The following SEMA4D variants were observed in gnomAD, a reference collection of about 807,000 sequenced individuals.
SEMA4D encodes semaphorin-4D.
A neutral mutation model predicts 74.8 loss-of-function variants in SEMA4D; 22 were observed. The ratio of observed to expected loss-of-function variants is 0.29; its 90% CI spans 0.21 to 0.42. The LOEUF is 0.42. Ranked by LOEUF, SEMA4D falls within the 10% of genes least tolerant of loss-of-function variation. The pLI is 1.00. For missense variants in SEMA4D, 937 were observed against 1,118.4 expected, an observed-to-expected ratio of 0.84 and a Z score of 2.31; for synonymous variants, 445 against 463.7, an observed-to-expected ratio of 0.96 and a Z score of 0.52.
intron 2 of SEMA4D, chr9:89,450,000 C>T (rs528212329): frequency 5.2e-6 from 8 of 1,535,624 alleles, no homozygotes; most frequent in Admixed American, 5.0e-5. Context: ...GGCAGCTCAC[C>T]GTTGTGCTGA....
Position 89,381,084 on chromosome 9 carries a change from T to G in SEMA4D, c.1634A>C (p.Glu545Ala), listed in dbSNP as rs776279240. ...GCACACAGAAGCATCGCCGCTCATCTCCTGAATCAAACCCCTGCAAAACAA... is the reference window on the plus strand; with the variant it reads ...GCACACAGAAGCATCGCCGCTCATCGCCTGAATCAAACCCCTGCAAAACAA... ...TESPSRGLIQ[E>A]MSGDASVCPD... is the part of the protein sequence containing the mutation. Residue 545 changes from glutamate to alanine, a missense_variant, in exon 15 of 16, where the codon GAG becomes GCG. Physicochemically the swap from Glu to Ala is moderately radical, Grantham distance 107. Transcript: ENST00000422704. This position sits in a 1 kb window ranked among gnomAD's most constrained non-coding sequence, Gnocchi z 4.6. 1 of 1,613,980 alleles carries G rather than the reference T, an allele frequency of 6.2e-7. No individual in the cohort carries two copies. The highest frequency in any genetic ancestry group is 1.3e-5 in the African/African-American group (1 of 74,914).
chr9:89,362,532 G>T (rs1285867462), intron 18 of SEMA4D: 55 of 1,592,668 alleles, frequency 3.5e-5, no homozygotes, highest in Non-Finnish European at 4.6e-5. Flanking sequence ...AGCACTCAAG[G>T]CCTCAGCCCC....
chr9:89,430,212 T>G (rs754420940), intron 2 of SEMA4D, among the ~76,000 whole-genome samples: 6 of 151,610 alleles, frequency 4.0e-5, no homozygotes, highest in Non-Finnish European at 4.4e-5. Context: ...TAGGAGGAAG[T>G]TTTCAGCAAT....
At position 89,393,427 on chromosome 9, in the gene SEMA4D, G is replaced by C; in HGVS notation, c.508+135C>G. 3 of 692,848 alleles carry C rather than the reference G, an allele frequency of 4.3e-6. No individual in the cohort carries two copies. In the South Asian group the frequency reaches 5.4e-5, roughly 12 times the overall value. The allele number at this position is 692,848 out of a possible 1,614,324, so 42.9% of individuals were successfully genotyped here. A position where few individuals can be genotyped will look rare whatever the true frequency, so the allele number is the denominator to read the frequency against. ...TTAAAGGGTCTATGCAGTCACATGT[G>C]CCTTTTGTAAGGATAGCTCCTATTT... On this transcript the variant is annotated intron_variant, in intron 7 of 15. Transcript: ENST00000422704.
chr9:89,383,930 C>T (rs570813365), intron 13 of SEMA4D, among the ~76,000 whole-genome samples: 1 of 152,098 alleles, frequency 6.6e-6, no homozygotes, highest in Non-Finnish European at 1.5e-5. Flanking sequence ...CTCTCATGCT[C>T]CCATCTCTGT....
In SEMA4D at chr9:89,462,606, C is replaced by T. The variant is rs369177067; in HGVS notation, c.-309-6653G>A. On this transcript the variant is annotated intron_variant, in intron 1 of 15. Coordinates refer to ENST00000422704, the MANE Select transcript of SEMA4D (RefSeq NM_001371194.2). Reference sequence around the variant, plus strand: ...GTAAAAATTCCCCAATACCAGTCTACGGCAAACAACTCAAAACAACAACAA... The same window carrying T: ...GTAAAAATTCCCCAATACCAGTCTATGGCAAACAACTCAAAACAACAACAA... 1.6e-3 allele frequency among the ~76,000 whole-genome samples: 239 copies of T among 151,804 alleles called. 1 individual carries two copies. The highest frequency in any genetic ancestry group is 5.2e-3 in the African/African-American group (214 of 41,140).
chr9:89,482,460 G>A (rs1824795003), intron 1 of SEMA4D, among the ~76,000 whole-genome samples: 1 of 152,204 alleles, frequency 6.6e-6, no homozygotes, highest in South Asian at 2.1e-4. Flanking sequence ...CTCAGCCCCA[G>A]CAGCAGAAGG....
chr9:89,364,272 G>T, intron 16 of SEMA4D: 1 of 418,404 alleles, frequency 2.4e-6, no homozygotes, highest in Non-Finnish European at 4.5e-6. Flanking sequence ...CTGGGCCTTG[G>T]AACAGCATCC....
chr9:89,390,599 C>T (rs976943290), intron 9 of SEMA4D, among the ~76,000 whole-genome samples: 38 of 152,230 alleles, frequency 2.5e-4, no homozygotes, highest in African/African-American at 7.5e-4. Context: ...GAAAGGGCCA[C>T]GCAAGAACTA....
chr9:89,386,345 C>A, intron 13 of SEMA4D, 22 bp downstream of exon 13: 1 of 1,571,212 alleles, frequency 6.4e-7, no homozygotes, highest in South Asian at 1.1e-5. Context: ...AGCCCCCGGT[C>A]CAGCTGCCTG....
At position 89,381,532 on chromosome 9, in the gene SEMA4D, C is replaced by T. The variant is rs372068957; in HGVS notation, c.1447-186G>A. The T allele has an allele frequency of 7.7e-6, 4 of 518,794 alleles. No homozygotes were observed. The highest frequency in any genetic ancestry group is 9.8e-6 in the Non-Finnish European group (3 of 305,862). 32.1% of individuals were successfully genotyped at this position (518,794 alleles called of 1,614,324 possible). A position where few individuals can be genotyped will look rare whatever the true frequency, so the allele number is the denominator to read the frequency against. ...GTCTGTGACCTTCCTGCAGAATCCA[C>T]GTGCTATGTCAGGGCTCACTGGGCC... On this transcript the variant is annotated intron_variant, in intron 13 of 15. Transcript: ENST00000422704. This position sits in a 1 kb window ranked among gnomAD's most constrained non-coding sequence, Gnocchi z 4.6.
intron 2 of SEMA4D, among the ~76,000 whole-genome samples, chr9:89,431,042 T>C (rs753417419): frequency 4.6e-5 from 7 of 152,206 alleles, no homozygotes; most frequent in Non-Finnish European, 7.3e-5. Flanking sequence ...AATAATATTA[T>C]AGCATGCTAT....
exon 19 of SEMA4D, chr9:89,361,674 G>A (rs1832776360): frequency 6.6e-6 from 1 of 152,226 alleles, no homozygotes; most frequent in South Asian, 2.1e-4. Context: ...CATCAAGTTT[G>A]GTGTCCTGTT....
intron 18 of SEMA4D, among the ~76,000 whole-genome samples, chr9:89,362,998 T>A (rs1473243016): frequency 6.6e-6 from 1 of 152,064 alleles, no homozygotes; most frequent in Non-Finnish European, 1.5e-5. Flanking sequence ...AGGAAGCCAC[T>A]CCCCCTGACC....
chr9:89,411,896 G>A (rs914917788), intron 2 of SEMA4D, among the ~76,000 whole-genome samples: 2 of 152,230 alleles, frequency 1.3e-5, no homozygotes, highest in Non-Finnish European at 2.9e-5. Context: ...AATGCAGAAT[G>A]CCAGCACCTA....
intron 2 of SEMA4D, among the ~76,000 whole-genome samples, chr9:89,443,077 C>T (rs1286977342): frequency 6.6e-6 from 1 of 152,286 alleles, no homozygotes; most frequent in East Asian, 1.9e-4. Flanking sequence ...ACTGAAGCCT[C>T]CCAGGAGGAA....
chr9:89,372,661 C>T (rs1055190446), downstream of SEMA4D, among the ~76,000 whole-genome samples: 1 of 152,012 alleles, frequency 6.6e-6, no homozygotes, highest in African/African-American at 2.4e-5. Flanking sequence ...CACTCAGTCC[C>T]CCAGGACTCA....
chr9:89,489,715 T>C (rs1825476882), intron 1 of SEMA4D, among the ~76,000 whole-genome samples: 1 of 152,278 alleles, frequency 6.6e-6, no homozygotes, highest in Non-Finnish European at 1.5e-5. Flanking sequence ...TCATAGGCCA[T>C]GTATGAATAT....
At chr9:89,417,116 A>G (rs1439375949) in intron 2 of SEMA4D, among the ~76,000 whole-genome samples, 1 of 152,208 alleles carries the variant, frequency 6.6e-6, no homozygotes, top group Non-Finnish European at 1.5e-5. Flanking sequence ...TTACCTTATA[A>G]CTAAAGATTC....
Sources: gnomAD v4.1 joint callset for allele counts (sites outside exome capture counted in the v4.1 genomes callset) on GRCh38, gnomAD v4.1.1 for gene constraint, Gnocchi (gnomAD v3.1) non-coding constraint, MANE v1.5 for transcripts, NCBI Gene and HGNC (gene_info 2026-07-23, HGNC 2026-07-21) for gene names.